SEC24B: variants seen among roughly 807,000 people sequenced by gnomAD.
SEC24B encodes SEC24 homolog B, COPII component.
Under a neutral mutation model 142.8 loss-of-function variants are expected in SEC24B, and 45 were observed. The observed-to-expected ratio is 0.32, with a 90% CI of 0.25 to 0.40. The LOEUF is 0.40. Among genes scored for constraint, SEC24B ranks in the 10% least tolerant of loss-of-function variants. The probability of loss-of-function intolerance (pLI) is 1.00; values close to 1 mark genes in which losing one functional copy is unlikely to be tolerated. For missense variants in SEC24B, 1,409 were observed against 1,526.8 expected (o/e 0.92, Z 1.29); for synonymous variants, 574 against 568.2 (o/e 1.01, Z -0.15).
intron 8 of SEC24B, among the ~76,000 whole-genome samples, chr4:109,511,272 C>G (rs918541374): frequency 2.0e-5 from 3 of 151,736 alleles, no homozygotes; most frequent in Non-Finnish European, 4.4e-5. Flanking sequence ...TCTCAGTTAA[C>G]TATATTTCCT....
chr4:109,494,826 G>A lies in SEC24B; in HGVS notation c.1458G>A (p.Pro486=), dbSNP rs367995282. 138 of 1,613,942 alleles carry A rather than the reference G, an allele frequency of 8.6e-5. No homozygotes were observed. In the East Asian group the frequency reaches 1.7e-3, roughly 20 times the overall value. Residue 486 remains proline (P), a synonymous_variant, in exon 6 of 24, where the codon CCG becomes CCA. Transcript: ENST00000265175. The part of the protein sequence containing the change: ...PLISGVQPSN[P]VYSGFQQYPQ... ...TTTCTGGAGTACAGCCCAGTAACCC[G>A]GTATATTCTGGATTCCAGCAGTATC...
chr4:109,484,145 G>A (rs1471474995), intron 4 of SEC24B, among the ~76,000 whole-genome samples: 2 of 152,298 alleles, frequency 1.3e-5, no homozygotes, highest in African/African-American at 2.4e-5. Context: ...TGGATCATGC[G>A]TTGAATTTAG....
At position 109,462,938 on chromosome 4, in the gene SEC24B, T is replaced by C. The variant is rs1731433429; in HGVS notation, c.171T>C (p.Tyr57=). Residue 57 remains tyrosine, a synonymous_variant, in exon 2 of 24, where the codon TAT becomes TAC. Coordinates refer to ENST00000265175, the MANE Select transcript of SEC24B (RefSeq NM_006323.5). ...AQNQMQVPSG[Y]GLHHQNYIAP... is the part of the protein sequence containing the mutation. ...ATCAAATGCAGGTTCCATCTGGATA[T>C]GGATTGCATCATCAAAACTATATTG... The C allele has an allele frequency of 5.0e-6, 8 of 1,612,144 alleles. No individual in the cohort carries two copies. Among genetic ancestry groups the C allele is most frequent in the Admixed American group, 3.3e-5 (2 of 59,996 alleles).
rs1737402633 is a variant in SEC24B, at chr4:109,512,075, T to G, written c.1895T>G (p.Val632Gly). The change falls in exon 9 of 24, where the codon GTA becomes GGA. Residue 632 changes from valine to glycine, a missense_variant. This residue lies in a region of SEC24B where 700 missense variants were observed against 853.3 expected (regional missense o/e 0.82). Transcript: ENST00000265175. ...TGGAAATGCAATTTGTGCTATAGAG[T>G]AAACGATGGTGAGTTTTAGATTCTT... Reference protein sequence around the residue: ...RRWKCNLCYRVNDVPEEFMYN... With the variant: ...RRWKCNLCYRGNDVPEEFMYN... The G allele has an allele frequency of 6.2e-7, 1 of 1,605,652 alleles. No homozygotes were observed. Among genetic ancestry groups the G allele is most frequent in the Non-Finnish European group, 8.5e-7 (1 of 1,177,702 alleles).
At chr4:109,456,344 T>G (rs1336382521) in intron 1 of SEC24B, among the ~76,000 whole-genome samples, 3 of 150,040 alleles carry the variant, frequency 2.0e-5, no homozygotes, top group East Asian at 1.9e-4. Flanking sequence ...GTTTTTTTTT[T>G]TTTTTTTTTA....
chr4:109,458,363 A>C (rs1403813697), intron 1 of SEC24B, among the ~76,000 whole-genome samples: 2 of 152,102 alleles, frequency 1.3e-5, no homozygotes, highest in Non-Finnish European at 2.9e-5. Flanking sequence ...GTCTCTGCCA[A>C]ATTTGGCTTC....
chr4:109,523,921 C>T (rs182144744), intron 14 of SEC24B, among the ~76,000 whole-genome samples: 1 of 152,170 alleles, frequency 6.6e-6, no homozygotes, highest in East Asian at 1.9e-4. Context: ...AAAAAAGGCA[C>T]CATATTTCAC....
intron 1 of SEC24B, among the ~76,000 whole-genome samples, chr4:109,437,727 C>G (rs934049419): frequency 6.6e-6 from 1 of 152,064 alleles, no homozygotes; most frequent in African/African-American, 2.4e-5. Context: ...TGGGTTCAAG[C>G]GATTCTCCTG....
intron 10 of SEC24B, 72 bp downstream of exon 10, chr4:109,513,928 A>G (rs1161426207): frequency 1.6e-5 from 15 of 960,696 alleles, no homozygotes; most frequent in Non-Finnish European, 2.5e-5. Context: ...TGTTAAGTGA[A>G]CTCTTATCGA....
At chr4:109,524,977 G>A in intron 15 of SEC24B, 36 bp downstream of exon 15, 1 of 1,557,766 alleles carries the variant, frequency 6.4e-7, no homozygotes, top group Non-Finnish European at 8.7e-7. Context: ...TTGTTTAAAT[G>A]AACATTTTTA....
chr4:109,508,969 ACAGT>A (rs1337001146), intron 7 of SEC24B, among the ~76,000 whole-genome samples: 1 of 152,236 alleles, frequency 6.6e-6, no homozygotes, highest in Non-Finnish European at 1.5e-5. Flanking sequence ...TCTCCGATGA[ACAGT>A]CAAACTAGTA....
rs578137158 is a variant in SEC24B at position 109,507,168 on chromosome 4, G to T, written c.1673+656G>T. 2.0e-5 allele frequency among the ~76,000 whole-genome samples: 3 copies of T among 152,068 alleles called. No individual in the cohort carries two copies. In the South Asian group the frequency reaches 6.2e-4, roughly 32 times the overall value. ...CTTTTAGTTCTGTATCCTATGAATA[G>T]GATATCCCCCTGGTCCTAGTTTTTT... is the stretch of plus-strand genomic sequence containing the variant. On this transcript the variant is annotated intron_variant, in intron 7 of 23. Transcript: ENST00000265175.
At chr4:109,495,437 C>T (rs559283687) in intron 6 of SEC24B, among the ~76,000 whole-genome samples, 33 of 152,180 alleles carry the variant, frequency 2.2e-4, no homozygotes, top group Admixed American at 3.9e-4. Flanking sequence ...CAGACACACA[C>T]GTGGAGTTTA....
chr4:109,514,856 CT>C (rs1429375361), intron 10 of SEC24B, among the ~76,000 whole-genome samples: 4 of 152,076 alleles, frequency 2.6e-5, no homozygotes, highest in Non-Finnish European at 5.9e-5. Flanking sequence ...TTTTTGTGTT[CT>C]TTTGTGTCTA....
intron 4 of SEC24B, among the ~76,000 whole-genome samples, chr4:109,489,680 T>C (rs890836033): frequency 3.2e-5 from 4 of 126,806 alleles, no homozygotes; most frequent in South Asian, 5.0e-4. Context: ...ACATGTGATA[T>C]ATACATATGA....
intron 13 of SEC24B, 115 bp downstream of exon 13, chr4:109,521,287 A>G (rs1230151370): frequency 2.1e-6 from 2 of 959,198 alleles, no homozygotes; most frequent in Non-Finnish European, 3.2e-6. Flanking sequence ...GACAATATAA[A>G]TGGCATATCT....
At chr4:109,518,399 T>C (rs1335958800) in intron 11 of SEC24B, among the ~76,000 whole-genome samples, 2 of 152,212 alleles carry the variant, frequency 1.3e-5, no homozygotes, top group African/African-American at 4.8e-5. Flanking sequence ...ACTGCAGTGG[T>C]TCTCAACATC....
intron 1 of SEC24B, chr4:109,449,650 A>T: frequency 5.2e-6 from 2 of 388,298 alleles, no homozygotes; most frequent in South Asian, 3.8e-5. Flanking sequence ...TTTTCTTGGT[A>T]TGTGCACGTA....
At chr4:109,479,899 G>A (rs1357167467) in intron 3 of SEC24B, among the ~76,000 whole-genome samples, 2 of 151,936 alleles carry the variant, frequency 1.3e-5, no homozygotes, top group African/African-American at 4.8e-5. Flanking sequence ...TCAAATATTC[G>A]TTTTAATTGG....
Sources: allele counts gnomAD v4.1 joint callset (sites outside exome capture counted in the v4.1 genomes callset), GRCh38; gene constraint gnomAD v4.1.1; regional missense constraint gnomAD v4.1.1; transcripts MANE v1.5; gene names NCBI Gene and HGNC (gene_info 2026-07-23, HGNC 2026-07-21).